Variants in GPC5 observed in about 807,000 individuals in gnomAD.
GPC5 encodes glypican-5.
Under a neutral mutation model 53.9 loss-of-function variants are expected in GPC5, and 47 were observed. The observed-to-expected ratio is 0.87, with a 90% CI of 0.69 to 1.11. The LOEUF (loss-of-function observed/expected upper bound fraction) is 1.11, where lower values mean the gene tolerates loss of function less well. GPC5 is among the 50% of genes most tolerant of loss of function. The pLI is 0.00. For synonymous variants in GPC5, 286 were observed against 263.3 expected (o/e 1.09, Z -0.84); for missense variants, 748 against 713.1 (o/e 1.05, Z -0.56).
intron 6 of GPC5, among the ~76,000 whole-genome samples, chr13:91,984,438 G>A (rs1000366575): frequency 1.8e-4 from 28 of 152,246 alleles, no homozygotes; most frequent in Non-Finnish European, 1.9e-4. Context: ...TCCCTGATCT[G>A]CACTTTACGT....
chr13:91,449,540 T>C (rs1881042327), intron 2 of GPC5, among the ~76,000 whole-genome samples: 1 of 152,098 alleles, frequency 6.6e-6, no homozygotes, highest in African/African-American at 2.4e-5. Context: ...AACAGGCCCC[T>C]GTTATTTGAA....
rs1208926030 is a variant in GPC5, at chr13:92,385,511, TATAC to T, written c.1561+240530_1561+240533del. ...ACACATATATACATACATATACATA[TATAC>T]ATACATATGCATATATACATATATG... On this transcript the variant is annotated intron_variant, in intron 7 of 7. Coordinates refer to ENST00000377067, the MANE Select transcript of GPC5 (RefSeq NM_004466.6). Among the ~76,000 whole-genome samples, 82 of 136,846 alleles carry T rather than the reference TATAC, an allele frequency of 6.0e-4. 4 individuals are homozygous for T. In the East Asian group the frequency reaches 0.016, roughly 27 times the overall value. 89.8% of individuals were successfully genotyped at this position (136,846 alleles called of 152,430 possible).
intron 5 of GPC5, among the ~76,000 whole-genome samples, chr13:91,893,591 T>A (rs2039410804): frequency 6.6e-6 from 1 of 152,106 alleles, no homozygotes; most frequent in Non-Finnish European, 1.5e-5. Context: ...ATTTTGGTCA[T>A]AAGATAGTAA....
chr13:91,860,919 T>C (rs918266803), intron 5 of GPC5, among the ~76,000 whole-genome samples: 2 of 152,242 alleles, frequency 1.3e-5, no homozygotes, highest in Non-Finnish European at 2.9e-5. Context: ...TTATTCAATA[T>C]ACTGTTTTCC....
intron 6 of GPC5, among the ~76,000 whole-genome samples, chr13:91,989,950 C>A (rs866809903): frequency 3.3e-5 from 5 of 152,036 alleles, no homozygotes; most frequent in African/African-American, 9.7e-5. Flanking sequence ...AAACTTCACC[C>A]TTTTTGCTTT....
chr13:92,491,574 T>C (rs1366203894), intron 7 of GPC5, among the ~76,000 whole-genome samples: 3 of 152,172 alleles, frequency 2.0e-5, no homozygotes, highest in African/African-American at 7.2e-5. Flanking sequence ...TTTTTGTGAA[T>C]AAATGGGATT....
intron 7 of GPC5, among the ~76,000 whole-genome samples, chr13:92,808,866 A>T (rs947840716): frequency 1.3e-5 from 2 of 152,124 alleles, no homozygotes; most frequent in African/African-American, 4.8e-5. Flanking sequence ...ATTGTTATCT[A>T]TTTAACTCCA....
At chr13:92,821,458 TC>T (rs1352624556) in intron 7 of GPC5, among the ~76,000 whole-genome samples, 1 of 152,154 alleles carries the variant, frequency 6.6e-6, no homozygotes, top group African/African-American at 2.4e-5. Flanking sequence ...TCCTCTTTTT[TC>T]TGCTACTCCT....
chr13:92,066,264 A>G (rs181327904), intron 6 of GPC5, among the ~76,000 whole-genome samples: 6 of 152,152 alleles, frequency 3.9e-5, no homozygotes, highest in African/African-American at 1.4e-4. Flanking sequence ...CAGATCCTAT[A>G]AAGTGATTTA....
At chr13:92,371,666 C>T (rs553538043) in intron 7 of GPC5, among the ~76,000 whole-genome samples, 56 of 152,180 alleles carry the variant, frequency 3.7e-4, no homozygotes, top group African/African-American at 1.3e-3. Context: ...AAGTGCTAAG[C>T]GAAGGGGGAA....
intron 6 of GPC5, among the ~76,000 whole-genome samples, chr13:92,094,731 T>G (rs2041408512): frequency 6.6e-6 from 1 of 150,920 alleles, no homozygotes; most frequent in Non-Finnish European, 1.5e-5. Context: ...AGAAAAATCC[T>G]AATTTGTCTT....
intron 7 of GPC5, among the ~76,000 whole-genome samples, chr13:92,229,896 T>C (rs939184197): frequency 2.0e-5 from 3 of 152,124 alleles, no homozygotes; most frequent in Non-Finnish European, 4.4e-5. Flanking sequence ...TAGTCTCTCT[T>C]ACTCTTTTTC....
intron 6 of GPC5, among the ~76,000 whole-genome samples, chr13:91,983,621 A>C (rs1170482722): frequency 6.6e-6 from 1 of 152,026 alleles, no homozygotes; most frequent in Non-Finnish European, 1.5e-5. Flanking sequence ...CTCTCCAGAC[A>C]CTCGATTTGA....
At chr13:92,130,135 AG>A (rs1272811212) in intron 6 of GPC5, among the ~76,000 whole-genome samples, 1 of 152,126 alleles carries the variant, frequency 6.6e-6, no homozygotes, top group Non-Finnish European at 1.5e-5. Flanking sequence ...TAACATGCTG[AG>A]GGGCAAATTT....
intron 6 of GPC5, among the ~76,000 whole-genome samples, chr13:91,923,248 G>A (rs938710593): frequency 1.2e-4 from 19 of 152,118 alleles, no homozygotes; most frequent in African/African-American, 3.1e-4. Context: ...AATGTTTTGC[G>A]GACTCAATAA....
chr13:91,467,551 T>G (rs1213885903), intron 2 of GPC5, among the ~76,000 whole-genome samples: 1 of 152,184 alleles, frequency 6.6e-6, no homozygotes, highest in Non-Finnish European at 1.5e-5. Flanking sequence ...TTCTCTGCTT[T>G]CCTCTCACTG....
chr13:91,751,744 C>T (rs2037182054), intron 4 of GPC5, among the ~76,000 whole-genome samples: 1 of 152,092 alleles, frequency 6.6e-6, no homozygotes, highest in South Asian at 2.1e-4. Flanking sequence ...CTTTTTATAC[C>T]CAAATATTTT....
At chr13:92,078,194 A>G (rs1287543985) in intron 6 of GPC5, among the ~76,000 whole-genome samples, 1 of 152,206 alleles carries the variant, frequency 6.6e-6, no homozygotes, top group Non-Finnish European at 1.5e-5. Context: ...TTAATTCCAT[A>G]TTCTTTAGCA....
At chr13:92,575,973 C>G (rs1457479444) in intron 7 of GPC5, among the ~76,000 whole-genome samples, 1 of 152,100 alleles carries the variant, frequency 6.6e-6, no homozygotes, top group Non-Finnish European at 1.5e-5. Context: ...AAAAGCCAAT[C>G]AAGACTGACA....
Sources: gnomAD v4.1 joint callset for allele counts (sites outside exome capture counted in the v4.1 genomes callset) on GRCh38, gnomAD v4.1.1 for gene constraint, MANE v1.5 for transcripts, NCBI Gene and HGNC (gene_info 2026-07-23, HGNC 2026-07-21) for gene names.